HDAC4: variants seen among roughly 807,000 people sequenced by gnomAD.
HDAC4 encodes histone deacetylase A.
HDAC4 carries 16 observed loss-of-function variants against 135.1 expected under a neutral mutation model. That is an observed-to-expected ratio of 0.12 (90% CI 0.08 to 0.18). The LOEUF (loss-of-function observed/expected upper bound fraction) is 0.18, where lower values mean the gene tolerates loss of function less well. Among genes scored for constraint, HDAC4 ranks in the 10% least tolerant of loss-of-function variants. HDAC4 has a pLI of 1.00. For synonymous variants in HDAC4, 685 were observed against 653.4 expected, an observed-to-expected ratio of 1.05 and a Z score of -0.74; for missense variants, 1,143 against 1,511.8, an observed-to-expected ratio of 0.76 and a Z score of 4.05.
intron 3 of HDAC4, among the ~76,000 whole-genome samples, chr2:239,235,197 ACCC>A (rs5839735): frequency 1.3e-5 from 2 of 151,642 alleles, no homozygotes; most frequent in African/African-American, 4.8e-5. Context: ...CCCCCCGAAC[ACCC>A]CCCAAGAGGC....
In HDAC4 at chr2:239,299,927, C is replaced by G. The variant is rs530378571; in HGVS notation, c.22+52751G>C. On this transcript the variant is annotated intron_variant, in intron 2 of 26. Coordinates refer to ENST00000543185, the MANE Select transcript of HDAC4 (RefSeq NM_001378414.1). The surrounding 1 kb of genome is among the most constrained non-coding windows in gnomAD (Gnocchi z 4.0). ...CCTGGGGCTCGGGAGACAGGGGAGA[C>G]AGAGAAGGAAGAGGGGTCCCATCAG... Among the ~76,000 whole-genome samples the G allele has an allele frequency of 3.7e-4, 56 of 152,288 alleles. No individual in the cohort carries two copies. Among genetic ancestry groups the G allele is most frequent in the African/African-American group, 1.3e-3 (53 of 41,562 alleles).
chr2:239,225,837 C>T (rs1427514683), intron 3 of HDAC4, among the ~76,000 whole-genome samples: 2 of 152,180 alleles, frequency 1.3e-5, no homozygotes, highest in African/African-American at 4.8e-5. Flanking sequence ...ACACAGAGGG[C>T]CTGAGTTTGG....
intron 15 of HDAC4, among the ~76,000 whole-genome samples, chr2:239,107,640 G>C (rs768405288): frequency 1.3e-4 from 20 of 152,370 alleles, no homozygotes; most frequent in African/African-American, 4.1e-4. Flanking sequence ...CAACAGGCCT[G>C]ATCTGAGATA....
At chr2:239,053,261 C>A in intron 26 of HDAC4, 125 bp from the exon 27 acceptor site, 1 of 1,382,034 alleles carries the variant, frequency 7.2e-7, no homozygotes, top group South Asian at 1.3e-5. Flanking sequence ...GCCTGGCAGC[C>A]CCGGGTCCAT....
rs573527800 is a variant in HDAC4, at chr2:239,068,364, C to G, written c.2869+125G>C. 7 of 729,912 alleles carry G rather than the reference C, an allele frequency of 9.6e-6. No homozygotes were observed. The East Asian group carries it at 1.9e-4, about 19-fold the overall frequency. 45.2% of individuals were successfully genotyped at this position (729,912 alleles called of 1,614,324 possible). On this transcript the variant is annotated intron_variant, in intron 23 of 26. Transcript: ENST00000543185. This position sits in a 1 kb window ranked among gnomAD's most constrained non-coding sequence, Gnocchi z 4.4. ...GACTGGTTCCCAGTACGGTCAGAACCTTGGTCATTAGTAAAAAGGTGCCCT... is the reference window on the plus strand; with the variant it reads ...GACTGGTTCCCAGTACGGTCAGAACGTTGGTCATTAGTAAAAAGGTGCCCT...
At chr2:239,144,801 C>A in intron 7 of HDAC4, 87 bp from the exon 8 acceptor site, 1 of 1,374,230 alleles carries the variant, frequency 7.3e-7, no homozygotes, top group Non-Finnish European at 1.0e-6. Flanking sequence ...AATACGCACT[C>A]TGGTGAGTAA....
Position 239,132,179 on chromosome 2 carries a change from C to T in HDAC4, c.1294+2066G>A, listed in dbSNP as rs532713748. 2.6e-5 allele frequency among the ~76,000 whole-genome samples: 4 copies of T among 152,336 alleles called. No individual in the cohort carries two copies. The East Asian group carries it at 7.7e-4, about 29-fold the overall frequency. The stretch of plus-strand genomic sequence containing the variant: ...ACACCTGCAGGGGCACATGAGTGCA[C>T]AGCCCACTTAACCCTCATCAGGCTC... On this transcript the variant is annotated intron_variant, in intron 11 of 26. Coordinates refer to ENST00000543185, the MANE Select transcript of HDAC4 (RefSeq NM_001378414.1).
At chr2:239,085,474 C>T (rs376021067) in intron 19 of HDAC4, among the ~76,000 whole-genome samples, 3 of 152,174 alleles carry the variant, frequency 2.0e-5, no homozygotes, top group East Asian at 1.9e-4. Flanking sequence ...CAGCGGCTCA[C>T]GGGGAGCACA....
chr2:239,179,951 G>A (rs901109737), intron 4 of HDAC4, among the ~76,000 whole-genome samples: 4 of 152,240 alleles, frequency 2.6e-5, no homozygotes, highest in Admixed American at 6.5e-5. Flanking sequence ...GAGTGAGCGC[G>A]TGGGATTGAG....
intron 1 of HDAC4, among the ~76,000 whole-genome samples, chr2:239,386,135 A>C (rs1222744306): frequency 6.6e-6 from 1 of 151,422 alleles, no homozygotes; most frequent in East Asian, 2.0e-4. Flanking sequence ...GCAGAGAAGG[A>C]AGGCTGAGAG....
intron 24 of HDAC4, among the ~76,000 whole-genome samples, chr2:239,058,407 A>G (rs1244092397): frequency 6.6e-6 from 1 of 152,220 alleles, no homozygotes; most frequent in Non-Finnish European, 1.5e-5. Flanking sequence ...CTAACAGCAA[A>G]TGACCCACGT....
chr2:239,201,700 G>A (rs1469349495), intron 3 of HDAC4, among the ~76,000 whole-genome samples: 1 of 152,172 alleles, frequency 6.6e-6, no homozygotes, highest in Non-Finnish European at 1.5e-5. Context: ...TGACGAGAGG[G>A]GAAGCCCGGC....
chr2:239,303,510 CTTT>C lies in HDAC4; in HGVS notation c.22+49165_22+49167del, dbSNP rs2052391644. Among the ~76,000 whole-genome samples the C allele has an allele frequency of 6.6e-6, 1 of 152,194 alleles. No homozygotes were observed. The highest frequency in any genetic ancestry group is 1.5e-5 in the Non-Finnish European group (1 of 68,036). On this transcript the variant is annotated intron_variant, in intron 2 of 26. Transcript: ENST00000543185. The surrounding 1 kb of genome is among the most constrained non-coding windows in gnomAD (Gnocchi z 5.1). ...GCGTGCTTCCTCGATCTCCCCGCTCCTTTCTCGGGACAGCCTGTGGCTTGTTCT... is the reference window on the plus strand; with the variant it reads ...GCGTGCTTCCTCGATCTCCCCGCTCCCTCGGGACAGCCTGTGGCTTGTTCT...
intron 3 of HDAC4, among the ~76,000 whole-genome samples, chr2:239,212,081 G>A (rs990086614): frequency 6.6e-6 from 1 of 152,158 alleles, no homozygotes; most frequent in African/African-American, 2.4e-5. Context: ...TGGGAAGGTT[G>A]GGAAAACGAT....
intron 1 of HDAC4, among the ~76,000 whole-genome samples, chr2:239,371,608 C>T (rs1394922334): frequency 6.6e-6 from 1 of 151,800 alleles, no homozygotes; most frequent in East Asian, 1.9e-4. Flanking sequence ...CTCATGCTCA[C>T]ACATTCACAC....
chr2:239,346,461 C>T (rs1414898298), intron 2 of HDAC4, among the ~76,000 whole-genome samples: 2 of 151,052 alleles, frequency 1.3e-5, no homozygotes, highest in African/African-American at 4.9e-5. Context: ...CCTTAACACA[C>T]ATCCTGTCCA....
rs2035581839 is a variant in HDAC4 at position 239,083,707 on chromosome 2, C to G, written c.2532+448G>C. Among the ~76,000 whole-genome samples, 3 of 152,112 alleles carry G rather than the reference C, an allele frequency of 2.0e-5. No individual in the cohort carries two copies. In the South Asian group the frequency reaches 6.2e-4, roughly 32 times the overall value. On this transcript the variant is annotated intron_variant, in intron 20 of 26. Transcript: ENST00000543185. ...GATGACTCTTTTGGGGGCAGTGGCA[C>G]CCCCCATTCCAGCAGGACCAGGTGC... is the stretch of plus-strand genomic sequence containing the variant.
At chr2:239,223,715 T>C (rs1381907272) in intron 3 of HDAC4, among the ~76,000 whole-genome samples, 1 of 152,058 alleles carries the variant, frequency 6.6e-6, no homozygotes, top group Non-Finnish European at 1.5e-5. Flanking sequence ...GAGCAGGACC[T>C]TGCTGCTGGC....
rs538311262 is a variant in HDAC4, at chr2:239,177,502, C to T, written c.340-939G>A. On this transcript the variant is annotated intron_variant, in intron 4 of 26. Coordinates refer to ENST00000543185, the MANE Select transcript of HDAC4 (RefSeq NM_001378414.1). ...GGGGGTGAGGTAGGGTTGGGGGTGCCGAGGCCGGAGGAAACGCCCCAGCGG... is the reference window on the plus strand; with the variant it reads ...GGGGGTGAGGTAGGGTTGGGGGTGCTGAGGCCGGAGGAAACGCCCCAGCGG... Among the ~76,000 whole-genome samples, 46 of 152,242 alleles carry T rather than the reference C, an allele frequency of 3.0e-4. 1 individual carries two copies. The South Asian group carries it at 7.5e-3, about 25-fold the overall frequency.
Sources: allele counts gnomAD v4.1 joint callset (sites outside exome capture counted in the v4.1 genomes callset), GRCh38; gene constraint gnomAD v4.1.1; non-coding constraint Gnocchi (gnomAD v3.1); transcripts MANE v1.5; gene names NCBI Gene and HGNC (gene_info 2026-07-23, HGNC 2026-07-21).